CCDC18: variants seen among roughly 807,000 people sequenced by gnomAD.
The protein encoded by CCDC18 is coiled-coil domain containing 18.
A neutral mutation model predicts 196.0 loss-of-function variants in CCDC18; 157 were observed. The observed-to-expected ratio is 0.80, with a 90% confidence interval of 0.70 to 0.91. The LOEUF (loss-of-function observed/expected upper bound fraction) is 0.91, where lower values mean the gene tolerates loss of function less well. Among genes scored for constraint, CCDC18 ranks in the 40% least tolerant of loss-of-function variants. CCDC18 has a pLI of 0.00. For synonymous variants in CCDC18, 482 were observed against 529.2 expected (o/e 0.91, Z 1.22); for missense variants, 1,465 against 1,611.6 (o/e 0.91, Z 1.56).
chr1:93,221,820 A>C, intron 15 of CCDC18, 39 bp from the exon 16 acceptor site: 1 of 1,583,704 alleles, frequency 6.3e-7, no homozygotes, highest in Non-Finnish European at 8.6e-7. Context: ...TTTAAATCTA[A>C]TCAAATCTGC....
At chr1:93,247,100 C>T (rs1179740532) in intron 23 of CCDC18, 146 bp downstream of exon 23, 3 of 492,044 alleles carry the variant, frequency 6.1e-6, no homozygotes, top group African/African-American at 2.0e-5. Context: ...TCTCTGTCAC[C>T]CAGGCTGGAG....
chr1:93,180,986 C>A, intron 1 of CCDC18, 134 bp downstream of exon 1: 1 of 824,500 alleles, frequency 1.2e-6, no homozygotes, highest in Non-Finnish European at 1.8e-6. Flanking sequence ...CTCGTGGTTG[C>A]TGAGCATGCT....
intron 3 of CCDC18, among the ~76,000 whole-genome samples, chr1:93,184,545 A>G (rs887641044): frequency 1.3e-5 from 2 of 151,894 alleles, no homozygotes; most frequent in Non-Finnish European, 3.0e-5. Context: ...ATAGTATGGC[A>G]CTGTTCTCTT....
At chr1:93,194,206 T>C (rs1158652104) in intron 6 of CCDC18, among the ~76,000 whole-genome samples, 2 of 152,134 alleles carry the variant, frequency 1.3e-5, no homozygotes, top group Non-Finnish European at 2.9e-5. Context: ...AATATATAAA[T>C]AGTACAAAAA....
intron 5 of CCDC18, 79 bp downstream of exon 5, chr1:93,192,185 C>A: frequency 1.1e-6 from 1 of 944,514 alleles, no homozygotes; most frequent in South Asian, 1.5e-5. Flanking sequence ...TCTTGTTCCC[C>A]ACACCCAATA....
At chr1:93,205,387 T>G (rs1654555563) in intron 7 of CCDC18, 123 bp from the exon 8 acceptor site, 1 of 795,288 alleles carries the variant, frequency 1.3e-6, no homozygotes, top group Non-Finnish European at 1.9e-6. Context: ...GGCTGGGGAC[T>G]TAAATGTATG....
chr1:93,214,970 A>G lies in CCDC18; in HGVS notation c.1719+4A>G. On this transcript the variant is annotated splice_donor_region_variant and intron_variant, in intron 12 of 28. Transcript: ENST00000690025. ...CTCCAGCAAACTGGAAAGTGAAGTA[A>G]GCTTGGAATTAGCTTGGTATATATG... The G allele has an allele frequency of 6.3e-7, 1 of 1,575,720 alleles. No homozygotes were observed. The highest frequency in any genetic ancestry group is 8.7e-7 in the Non-Finnish European group (1 of 1,154,762).
chr1:93,221,652 A>T lies in CCDC18; in HGVS notation c.2006A>T (p.Gln669Leu), dbSNP rs771748754. 1 of 1,569,008 alleles carries T rather than the reference A, an allele frequency of 6.4e-7. No homozygotes were observed. Among genetic ancestry groups the T allele is most frequent in the East Asian group, 2.3e-5 (1 of 42,630 alleles). The change falls in exon 15 of 29, where the codon CAA (glutamine) becomes CTA (leucine). Residue 669 changes from glutamine to leucine, a missense_variant. Gln to Leu is a moderately radical substitution (Grantham distance 113). Coordinates refer to ENST00000690025, the MANE Select transcript of CCDC18 (RefSeq NM_001378204.1). ...AAAAAGGACCAACAATTTAAAGAAC[A>T]AGAAAAGACTATGTCCATGTTGCAA... ...LEKKDQQFKE[Q>L]EKTMSMLQQD...
rs1410175273 is a variant in CCDC18, at chr1:93,257,242, A to AC, written c.3546+704_3546+705insC. On this transcript the variant is annotated intron_variant, in intron 25 of 28. Coordinates refer to ENST00000690025, the MANE Select transcript of CCDC18 (RefSeq NM_001378204.1). ...GCAAGACTCCATCTCAAAAAAAAAAAAAAAAAAAAAAAAAAAACATGAAAA... is the reference window on the plus strand; with the variant it reads ...GCAAGACTCCATCTCAAAAAAAAAAACAAAAAAAAAAAAAAAAACATGAAAA... 9.3e-5 allele frequency among the ~76,000 whole-genome samples: 11 copies of AC among 117,852 alleles called. No individual in the cohort carries two copies. The East Asian group carries it at 1.9e-3, about 20-fold the overall frequency. 77.3% of individuals were successfully genotyped at this position (117,852 alleles called of 152,430 possible). A position where few individuals can be genotyped will look rare whatever the true frequency, so the allele number is the denominator to read the frequency against.
chr1:93,271,098 A>G, intron 28 of CCDC18: 4 of 983,854 alleles, frequency 4.1e-6, no homozygotes, highest in Non-Finnish European at 3.6e-6. Context: ...AAATTAAAAA[A>G]CTGAAAAAAA....
chr1:93,249,046 T>A (rs1661893633), intron 23 of CCDC18, among the ~76,000 whole-genome samples: 1 of 152,036 alleles, frequency 6.6e-6, no homozygotes, highest in Admixed American at 6.6e-5. Context: ...TTGGTATTAG[T>A]TTTTCTTTAA....
chr1:93,234,573 A>G (rs1394600569), intron 18 of CCDC18, among the ~76,000 whole-genome samples: 1 of 152,164 alleles, frequency 6.6e-6, no homozygotes, highest in Non-Finnish European at 1.5e-5. Flanking sequence ...TTTCTTCAGT[A>G]TTTGGAGTAA....
intron 18 of CCDC18, among the ~76,000 whole-genome samples, chr1:93,234,130 G>C (rs756674413): frequency 5.3e-4 from 80 of 150,102 alleles, no homozygotes; most frequent in Non-Finnish European, 8.3e-4. Flanking sequence ...TTTCTGTTTT[G>C]TTTTGTTTTT....
chr1:93,277,944 T>A (rs1259658028), intron 28 of CCDC18, among the ~76,000 whole-genome samples: 2 of 152,088 alleles, frequency 1.3e-5, no homozygotes, highest in Non-Finnish European at 2.9e-5. Flanking sequence ...CACACCCACC[T>A]CATCAAGCCA....
chr1:93,201,928 C>T lies in CCDC18; in HGVS notation c.735C>T (p.Ala245=), dbSNP rs777667910. The change falls in exon 7 of 29, where the codon GCC becomes GCT. Residue 245 remains alanine (A), a synonymous_variant. Transcript: ENST00000690025. ...AAAGGAATGAAGCACTATATAATGCCGAAGAGCTGAGTAAAGCTTTCCAAC... is the reference window on the plus strand; with the variant it reads ...AAAGGAATGAAGCACTATATAATGCTGAAGAGCTGAGTAAAGCTTTCCAAC... The part of the protein sequence containing the change: ...ERQRNEALYN[A]EELSKAFQQY... The T allele has an allele frequency of 5.1e-5, 82 of 1,606,920 alleles. No homozygotes were observed. Among genetic ancestry groups the T allele is most frequent in the East Asian group, 3.4e-4 (15 of 44,458 alleles).
intron 16 of CCDC18, among the ~76,000 whole-genome samples, chr1:93,223,898 TATACACACACACACAC>T (rs1008487713): frequency 3.4e-4 from 28 of 82,606 alleles, no homozygotes; most frequent in African/African-American, 1.2e-3. Flanking sequence ...TTCATTTATT[TATACACACACACACAC>T]ACACACACAC....
intron 17 of CCDC18, among the ~76,000 whole-genome samples, chr1:93,229,446 T>TATAGA (rs1658905944): frequency 6.6e-6 from 1 of 152,228 alleles, no homozygotes; most frequent in Admixed American, 6.5e-5. Context: ...TTTCATCATA[T>TATAGA]ATAGCTACAT....
Position 93,207,416 on chromosome 1 carries a change from C to T in CCDC18, c.1209+18C>T, listed in dbSNP as rs761774751. 2.1e-5 allele frequency: 32 copies of T among 1,509,308 alleles called. No individual in the cohort carries two copies. Among genetic ancestry groups the T allele is most frequent in the South Asian group, 1.5e-4 (11 of 75,238 alleles). 93.5% of individuals were successfully genotyped at this position (1,509,308 alleles called of 1,614,324 possible). A position where few individuals can be genotyped will look rare whatever the true frequency, so the allele number is the denominator to read the frequency against. The stretch of plus-strand genomic sequence containing the variant: ...AGTTGCCAGTAAGTATGTGTGATTA[C>T]GTAATGGAAAAGAAGAATTTTACTA... On this transcript the variant is annotated intron_variant, in intron 9 of 28. Coordinates refer to ENST00000690025, the MANE Select transcript of CCDC18 (RefSeq NM_001378204.1).
rs1370517665 is a variant in CCDC18 at position 93,239,404 on chromosome 1, A to G, written c.2698A>G (p.Met900Val). 1 of 1,613,356 alleles carries G rather than the reference A, an allele frequency of 6.2e-7. No individual in the cohort carries two copies. The highest frequency in any genetic ancestry group is 2.2e-5 in the East Asian group (1 of 44,794). Residue 900 changes from methionine (M) to valine (V), a missense_variant, in exon 20 of 29, where the codon ATG becomes GTG. Transcript: ENST00000690025. ...HLKRDGENKA[M>V]HLSQLDMILD... The stretch of plus-strand genomic sequence containing the variant: ...AAAACGAGATGGAGAAAATAAAGCA[A>G]TGCACCTCTCTCAATTAGATATGAT...
Sources: allele counts gnomAD v4.1 joint callset (sites outside exome capture counted in the v4.1 genomes callset), GRCh38; gene constraint gnomAD v4.1.1; transcripts MANE v1.5; gene names NCBI Gene and HGNC (gene_info 2026-07-23, HGNC 2026-07-21).